HMGB1: variants seen among roughly 807,000 people sequenced by gnomAD.
The protein encoded by HMGB1 is high mobility group protein B1.
For synonymous variants in HMGB1, 81 were observed against 84.0 expected, an observed-to-expected ratio of 0.96 and a Z score of 0.19; for missense variants, 79 against 253.5, an observed-to-expected ratio of 0.31 and a Z score of 4.67.
At chr13:30,582,393 C>T (rs911744258) in intron 1 of HMGB1, among the ~76,000 whole-genome samples, 1 of 152,036 alleles carries the variant, frequency 6.6e-6, no homozygotes, top group Non-Finnish European at 1.5e-5. Context: ...AATCCCAGCA[C>T]TTTGGGAGTC....
chr13:30,527,345 G>A (rs949591217), intron 1 of HMGB1, among the ~76,000 whole-genome samples: 1 of 152,120 alleles, frequency 6.6e-6, no homozygotes, highest in African/African-American at 2.4e-5. Flanking sequence ...CGGGATGGTG[G>A]GCCCCCTGAC....
intron 1 of HMGB1, among the ~76,000 whole-genome samples, chr13:30,507,940 C>G (rs577476660): frequency 6.6e-6 from 1 of 152,050 alleles, no homozygotes. Context: ...AAGGCTGCAG[C>G]GAGCTATGAC....
chr13:30,553,732 C>T lies in HMGB1; in HGVS notation c.-15+62939G>A, dbSNP rs768288246. Reference sequence around the variant, plus strand: ...GATGCTCAGCATCGCTGGCAGCTGCCGTACTTGGAAATTCGAAATGAGTCC... The same window carrying T: ...GATGCTCAGCATCGCTGGCAGCTGCTGTACTTGGAAATTCGAAATGAGTCC... On this transcript the variant is annotated intron_variant, in intron 1 of 4. Transcript: ENST00000405805. 77 of 1,270,232 alleles carry T rather than the reference C, an allele frequency of 6.1e-5. 1 individual carries two copies. Among genetic ancestry groups the T allele is most frequent in the Middle Eastern group, 2.1e-4 (1 of 4,674 alleles). 78.7% of individuals were successfully genotyped at this position (1,270,232 alleles called of 1,614,324 possible). A position where few individuals can be genotyped will look rare whatever the true frequency, so the allele number is the denominator to read the frequency against.
At chr13:30,577,486 C>T (rs1870709862) in intron 1 of HMGB1, among the ~76,000 whole-genome samples, 1 of 152,114 alleles carries the variant, frequency 6.6e-6, no homozygotes, top group Non-Finnish European at 1.5e-5. Flanking sequence ...TGGTATTTTG[C>T]TGTGGCAGCC....
intron 1 of HMGB1, among the ~76,000 whole-genome samples, chr13:30,504,401 A>G (rs1018725767): frequency 6.6e-6 from 1 of 152,228 alleles, no homozygotes; most frequent in Admixed American, 6.5e-5. Flanking sequence ...ATTGCTAAGC[A>G]TATTTTCAGT....
In HMGB1 at chr13:30,486,938, G is replaced by A. The variant is rs142173713; in HGVS notation, c.-14-23244C>T. Among the ~76,000 whole-genome samples, 529 of 152,284 alleles carry A rather than the reference G, an allele frequency of 3.5e-3. 1 individual carries two copies. The highest frequency in any genetic ancestry group is 3.8e-3 in the Non-Finnish European group (257 of 68,026). ...GGGACTGCACCGCATTCCAAATGTT[G>A]GGTGCGGGAGGGGAATAAAAACCTC... On this transcript the variant is annotated intron_variant, in intron 1 of 4. Coordinates refer to the HMGB1 transcript ENST00000405805.
At chr13:30,504,833 AC>A (rs1329737028) in intron 1 of HMGB1, among the ~76,000 whole-genome samples, 1 of 151,984 alleles carries the variant, frequency 6.6e-6, no homozygotes, top group Non-Finnish European at 1.5e-5. Flanking sequence ...AGAGCTACAA[AC>A]CAGCAGTGTT....
chr13:30,462,015 C>G (rs774075054), intron 4 of HMGB1, among the ~76,000 whole-genome samples: 9 of 152,060 alleles, frequency 5.9e-5, no homozygotes, highest in African/African-American at 1.2e-4. Context: ...ATGACTAAAG[C>G]TGAAAATTAA....
At chr13:30,556,690 T>C (rs1317403730) in intron 1 of HMGB1, among the ~76,000 whole-genome samples, 2 of 152,230 alleles carry the variant, frequency 1.3e-5, no homozygotes, top group Non-Finnish European at 1.5e-5. Context: ...CTCACTCATA[T>C]GCGAAAGCTA....
At chr13:30,548,406 A>G (rs560052535) in intron 1 of HMGB1, among the ~76,000 whole-genome samples, 95 of 152,308 alleles carry the variant, frequency 6.2e-4, no homozygotes, top group South Asian at 3.1e-3. Context: ...TCTTTCCTTT[A>G]TAAATTACCC....
At chr13:30,539,379 C>A (rs1318309635) in intron 1 of HMGB1, among the ~76,000 whole-genome samples, 2 of 152,186 alleles carry the variant, frequency 1.3e-5, no homozygotes, top group Non-Finnish European at 2.9e-5. Flanking sequence ...GTATTTGTAA[C>A]CAGATGTGGC....
Position 30,503,654 on chromosome 13 carries a change from T to G in HMGB1, c.-14-39960A>C, listed in dbSNP as rs1014164758. On this transcript the variant is annotated intron_variant, in intron 1 of 4. Transcript: ENST00000405805. ...ACCGATCCTACTCAGCTTCTTTTTT[T>G]TTTTTTTTTTTTTTTTGAGAAACTC... Among the ~76,000 whole-genome samples the G allele has an allele frequency of 4.0e-5, 6 of 149,070 alleles. No individual in the cohort carries two copies. The South Asian group carries it at 6.4e-4, about 16-fold the overall frequency.
chr13:30,495,110 C>T (rs1887581122), intron 1 of HMGB1, among the ~76,000 whole-genome samples: 1 of 152,162 alleles, frequency 6.6e-6, no homozygotes, highest in Non-Finnish European at 1.5e-5. Flanking sequence ...ATTCATGATG[C>T]CCACTGCTAC....
At chr13:30,532,545 G>C (rs926107003) in intron 1 of HMGB1, among the ~76,000 whole-genome samples, 1 of 151,938 alleles carries the variant, frequency 6.6e-6, no homozygotes, top group African/African-American at 2.4e-5. Flanking sequence ...GTCTCACTCT[G>C]TCGCCCAGGG....
chr13:30,458,964 T>C lies in HMGB1; in HGVS notation c.*2393A>G, dbSNP rs1886132858. On this transcript the variant is annotated 3_prime_UTR_variant, in exon 5 of 5. Transcript: ENST00000341423. ...TAATCAATATGCCATATGCCTATCT[T>C]TAAAATACAAAAAAACTAAGATTTA... is the stretch of plus-strand genomic sequence containing the variant. 1 of 152,138 alleles carries C rather than the reference T, an allele frequency of 6.6e-6. No individual in the cohort carries two copies. The highest frequency in any genetic ancestry group is 2.1e-4 in the South Asian group (1 of 4,826). The allele number at this position is 152,138 out of a possible 1,614,324, so 9.4% of individuals were successfully genotyped here.
At chr13:30,609,495 T>A (rs1462207526) in intron 1 of HMGB1, among the ~76,000 whole-genome samples, 1 of 152,114 alleles carries the variant, frequency 6.6e-6, no homozygotes, top group Non-Finnish European at 1.5e-5. Flanking sequence ...TTTTTTTCAA[T>A]AAAAGTTACA....
chr13:30,569,382 G>A (rs1483515467), intron 1 of HMGB1, among the ~76,000 whole-genome samples: 1 of 152,056 alleles, frequency 6.6e-6, no homozygotes, highest in Non-Finnish European at 1.5e-5. Context: ...GTGAATTTTT[G>A]TGGGCTAAGA....
In HMGB1 at chr13:30,503,164, G is replaced by A. The variant is rs563210499; in HGVS notation, c.-14-39470C>T. On this transcript the variant is annotated intron_variant, in intron 1 of 4. Coordinates refer to the HMGB1 transcript ENST00000405805. ...ATCCTGGCTGACATAGTGAAACCCC[G>A]TCTCTACTAAAAATACAAAAAAAAA... 3.3e-5 allele frequency among the ~76,000 whole-genome samples: 5 copies of A among 150,118 alleles called. No homozygotes were observed. In the East Asian group the frequency reaches 6.0e-4, roughly 18 times the overall value.
rs142725334 is a variant in HMGB1 at position 30,471,369 on chromosome 13, C to T, written c.-14-7675G>A. 6.2e-3 allele frequency among the ~76,000 whole-genome samples: 942 copies of T among 151,676 alleles called. 8 individuals carry two copies. The highest frequency in any genetic ancestry group is 0.022 in the African/African-American group (889 of 41,348). On this transcript the variant is annotated intron_variant, in intron 1 of 4. Transcript: ENST00000405805. Reference sequence around the variant, plus strand: ...TGTTTTTTGTTTTTTGTTTTTGAGACGGGGTTTCACTCTTGTTGCCTATGC... The same window carrying T: ...TGTTTTTTGTTTTTTGTTTTTGAGATGGGGTTTCACTCTTGTTGCCTATGC...
Sources: allele counts gnomAD v4.1 joint callset (sites outside exome capture counted in the v4.1 genomes callset), GRCh38; gene constraint gnomAD v4.1.1; transcripts MANE v1.5; gene names NCBI Gene and HGNC (gene_info 2026-07-23, HGNC 2026-07-21).